BCAS3: variants seen among roughly 807,000 people sequenced by gnomAD.
BCAS3 encodes the protein BCAS4/BCAS3 fusion.
A neutral mutation model predicts 116.1 loss-of-function variants in BCAS3; 53 were observed. That is an observed-to-expected ratio of 0.46 (90% CI 0.37 to 0.57). BCAS3 has a LOEUF of 0.57. Ranked by LOEUF, BCAS3 falls within the 20% of genes least tolerant of loss-of-function variation. BCAS3 has a pLI of 0.00. For synonymous variants in BCAS3, 391 were observed against 408.2 expected (o/e 0.96, Z 0.51); for missense variants, 917 against 1,165.4 (o/e 0.79, Z 3.10).
chr17:61,293,006 C>T (rs1378921829), intron 22 of BCAS3, among the ~76,000 whole-genome samples: 2 of 152,080 alleles, frequency 1.3e-5, no homozygotes, highest in Non-Finnish European at 2.9e-5. Flanking sequence ...GGGGGTTATT[C>T]TTGACAAGTG....
chr17:61,206,979 G>C (rs751412022), intron 22 of BCAS3, among the ~76,000 whole-genome samples: 12 of 151,258 alleles, frequency 7.9e-5, no homozygotes, highest in Non-Finnish European at 1.8e-4. Context: ...TGTTTGGAAA[G>C]AACAGATATG....
At chr17:60,988,394 A>C (rs2063319399) in intron 14 of BCAS3, among the ~76,000 whole-genome samples, 1 of 145,390 alleles carries the variant, frequency 6.9e-6, no homozygotes, top group South Asian at 2.1e-4. Flanking sequence ...CAGAGTAATA[A>C]AAGCATTGTG....
rs138528445 is a variant in BCAS3, at chr17:61,041,493, C to A, written c.2029+601C>A. On this transcript the variant is annotated intron_variant, in intron 19 of 23. Transcript: ENST00000407086. This position sits in a 1 kb window ranked among gnomAD's most constrained non-coding sequence, Gnocchi z 4.7. ...AATTTAGTATTTATTATCCAGTTTG[C>A]GTTTATAGAATTAAAAATTATTTAC... is the stretch of plus-strand genomic sequence containing the variant. 6.7e-6 allele frequency among the ~76,000 whole-genome samples: 1 copy of A among 149,958 alleles called. No individual in the cohort carries two copies. Among genetic ancestry groups the A allele is most frequent in the Non-Finnish European group, 1.5e-5 (1 of 66,690 alleles).
chr17:61,202,958 C>T (rs1327840686), intron 22 of BCAS3, among the ~76,000 whole-genome samples: 2 of 152,168 alleles, frequency 1.3e-5, no homozygotes, highest in Non-Finnish European at 2.9e-5. Flanking sequence ...GTTGTAGTAT[C>T]AGCGCAGTGA....
At chr17:60,750,116 G>A (rs1014642991) in intron 6 of BCAS3, among the ~76,000 whole-genome samples, 1 of 151,744 alleles carries the variant, frequency 6.6e-6, no homozygotes, top group Non-Finnish European at 1.5e-5. Context: ...GCAGTGAGCC[G>A]AGGTAGCACC....
intron 5 of BCAS3, among the ~76,000 whole-genome samples, chr17:60,720,959 G>A (rs1329249818): frequency 1.3e-5 from 2 of 152,102 alleles, no homozygotes; most frequent in Non-Finnish European, 2.9e-5. Context: ...CTACCACATT[G>A]AGCTAAGAAA....
Position 61,231,194 on chromosome 17 carries a change from G to A in BCAS3, c.2426-137133G>A, listed in dbSNP as rs1296419112. ...ATTTCTCAGATGAGAGTGATGATGA[G>A]CATTTTTTCATGTGTTTGTTGGTTG... On this transcript the variant is annotated intron_variant, in intron 22 of 23. Coordinates refer to ENST00000407086, the MANE Select transcript of BCAS3 (RefSeq NM_017679.5). Among the ~76,000 whole-genome samples the A allele has an allele frequency of 3.9e-5, 6 of 152,092 alleles. 1 individual carries two copies. The highest frequency in any genetic ancestry group is 3.9e-4 in the Admixed American group (6 of 15,274).
At position 61,010,068 on chromosome 17, in the gene BCAS3, C is replaced by CT. The variant is rs1189821266; in HGVS notation, c.1487-5663dup. ...TTTGTCCGGAGTTTTCAGACTCTGT[C>CT]TTTTTTTTTTTTTTTTTTTTCCTGT... On this transcript the variant is annotated intron_variant, in intron 15 of 23. Coordinates refer to ENST00000407086, the MANE Select transcript of BCAS3 (RefSeq NM_017679.5). Among the ~76,000 whole-genome samples the CT allele has an allele frequency of 5.0e-3, 552 of 111,008 alleles. 5 individuals carry two copies. Among genetic ancestry groups the CT allele is most frequent in the South Asian group, 0.024 (83 of 3,512 alleles). The allele number at this position is 111,008 out of a possible 152,430, so 72.8% of individuals were successfully genotyped here. A position where few individuals can be genotyped will look rare whatever the true frequency, so the allele number is the denominator to read the frequency against.
Position 61,211,058 on chromosome 17 carries a change from C to T in BCAS3, c.2425+126494C>T, listed in dbSNP as rs1206881634. Among the ~76,000 whole-genome samples, 1 of 152,028 alleles carries T rather than the reference C, an allele frequency of 6.6e-6. No individual in the cohort carries two copies. Among genetic ancestry groups the T allele is most frequent in the Non-Finnish European group, 1.5e-5 (1 of 68,004 alleles). On this transcript the variant is annotated intron_variant, in intron 22 of 23. Transcript: ENST00000407086. This position sits in a 1 kb window ranked among gnomAD's most constrained non-coding sequence, Gnocchi z 4.4. The stretch of plus-strand genomic sequence containing the variant: ...TCTTCCCCAAGCTAGGGTCCCAGCG[C>T]TGGGTGGGGGACAGGAGAAAAGGCC...
At chr17:61,247,619 A>G (rs1204906984) in intron 22 of BCAS3, among the ~76,000 whole-genome samples, 1 of 152,200 alleles carries the variant, frequency 6.6e-6, no homozygotes, top group East Asian at 1.9e-4. Context: ...AGCATTGACC[A>G]TGTGCCAAGT....
chr17:60,947,401 T>C (rs1193272537), intron 14 of BCAS3, 49 bp downstream of exon 14: 2 of 1,556,176 alleles, frequency 1.3e-6, no homozygotes, highest in African/African-American at 2.7e-5. Flanking sequence ...TAATATGACA[T>C]CTACTCTAGC....
In BCAS3 at chr17:61,118,537, A is replaced by C. The variant is rs2075610689; in HGVS notation, c.2425+33973A>C. On this transcript the variant is annotated intron_variant, in intron 22 of 23. Transcript: ENST00000407086. This position sits in a 1 kb window ranked among gnomAD's most constrained non-coding sequence, Gnocchi z 5.0. ...TCCTGACTGTACTTAGCCTTCTCCA[A>C]CACCACCCCTGTGGAGGTGTTGGGC... Among the ~76,000 whole-genome samples the C allele has an allele frequency of 6.6e-6, 1 of 152,040 alleles. No individual in the cohort carries two copies. The highest frequency in any genetic ancestry group is 1.5e-5 in the Non-Finnish European group (1 of 68,000).
At chr17:61,090,759 G>A (rs1018535872) in intron 22 of BCAS3, among the ~76,000 whole-genome samples, 4 of 152,110 alleles carry the variant, frequency 2.6e-5, no homozygotes, top group African/African-American at 9.7e-5. Flanking sequence ...TCGGGTTCAA[G>A]CGATTCTCCT....
intron 6 of BCAS3, among the ~76,000 whole-genome samples, chr17:60,782,677 T>C (rs7211803): frequency 0.28 from 41,779 of 151,350 alleles, 11,416 homozygotes; most frequent in African/African-American, 0.71. Flanking sequence ...CCTCTGCCTC[T>C]CAGGTTCTAG....
Position 61,271,424 on chromosome 17 carries a change from A to ATT in BCAS3, c.2426-96891_2426-96890dup, listed in dbSNP as rs71148400. ...TACAGGTGTAAGCCACCATGCCCGG[A>ATT]TTTTTTTTTTTTTGTCTTAGGTGGA... On this transcript the variant is annotated intron_variant, in intron 22 of 23. Transcript: ENST00000407086. Among the ~76,000 whole-genome samples the ATT allele has an allele frequency of 2.1e-4, 15 of 70,236 alleles. 2 individuals are homozygous for ATT. In the South Asian group the frequency reaches 6.3e-3, roughly 30 times the overall value. The allele number at this position is 70,236 out of a possible 152,430, so 46.1% of individuals were successfully genotyped here.
chr17:61,248,747 A>G lies in BCAS3; in HGVS notation c.2426-119580A>G, dbSNP rs1191109486. On this transcript the variant is annotated intron_variant, in intron 22 of 23. Transcript: ENST00000407086. This position sits in a 1 kb window ranked among gnomAD's most constrained non-coding sequence, Gnocchi z 4.3. The stretch of plus-strand genomic sequence containing the variant: ...ATACCAGGACTTCTTTGAATATTCT[A>G]TTTAGTCTGTACTAGGACACATAGG... 1.3e-5 allele frequency among the ~76,000 whole-genome samples: 2 copies of G among 152,152 alleles called. No homozygotes were observed. The highest frequency in any genetic ancestry group is 2.9e-5 in the Non-Finnish European group (2 of 68,016).
rs973051250 is a variant in BCAS3, at chr17:61,365,636, A to G, written c.2426-2691A>G. ...GGCGTGAGCCACCGTGCCTGGCCCAATTTCTTTTGTTTGTTTTCTTCCTGC... is the reference window on the plus strand; with the variant it reads ...GGCGTGAGCCACCGTGCCTGGCCCAGTTTCTTTTGTTTGTTTTCTTCCTGC... On this transcript the variant is annotated intron_variant, in intron 22 of 23. Coordinates refer to ENST00000407086, the MANE Select transcript of BCAS3 (RefSeq NM_017679.5). This position sits in a 1 kb window ranked among gnomAD's most constrained non-coding sequence, Gnocchi z 4.6. Among the ~76,000 whole-genome samples, 3 of 151,552 alleles carry G rather than the reference A, an allele frequency of 2.0e-5. No homozygotes were observed. Among genetic ancestry groups the G allele is most frequent in the South Asian group, 2.1e-4 (1 of 4,772 alleles).
Position 61,315,316 on chromosome 17 carries a change from T to C in BCAS3, c.2426-53011T>C, listed in dbSNP as rs1467791373. Among the ~76,000 whole-genome samples, 4 of 152,034 alleles carry C rather than the reference T, an allele frequency of 2.6e-5. No homozygotes were observed. The highest frequency in any genetic ancestry group is 9.7e-5 in the African/African-American group (4 of 41,392). On this transcript the variant is annotated intron_variant, in intron 22 of 23. Coordinates refer to ENST00000407086, the MANE Select transcript of BCAS3 (RefSeq NM_017679.5). This position sits in a 1 kb window ranked among gnomAD's most constrained non-coding sequence, Gnocchi z 5.3. ...TTTTAGTAGAGACAGGGTTTCACCA[T>C]GTTGGCCTGGATGGATGGTCTCAAA...
rs1292116571 is a variant in BCAS3, at chr17:61,256,237, G to A, written c.2426-112090G>A. On this transcript the variant is annotated intron_variant, in intron 22 of 23. Coordinates refer to ENST00000407086, the MANE Select transcript of BCAS3 (RefSeq NM_017679.5). This position sits in a 1 kb window ranked among gnomAD's most constrained non-coding sequence, Gnocchi z 5.6. ...GTCAAGCCTTCCATCTTCAAGCCAAGAGGTAGTTTGGTTTTTGTTTGTTTG... is the reference window on the plus strand; with the variant it reads ...GTCAAGCCTTCCATCTTCAAGCCAAAAGGTAGTTTGGTTTTTGTTTGTTTG... 6.6e-6 allele frequency among the ~76,000 whole-genome samples: 1 copy of A among 151,028 alleles called. No homozygotes were observed. Among genetic ancestry groups the A allele is most frequent in the Non-Finnish European group, 1.5e-5 (1 of 67,712 alleles).
Sources: gnomAD v4.1 joint callset for allele counts (sites outside exome capture counted in the v4.1 genomes callset) on GRCh38, gnomAD v4.1.1 for gene constraint, Gnocchi (gnomAD v3.1) non-coding constraint, MANE v1.5 for transcripts, NCBI Gene and HGNC (gene_info 2026-07-23, HGNC 2026-07-21) for gene names.